ZNF331: variants seen among roughly 807,000 people sequenced by gnomAD.
ZNF331 encodes the protein zinc finger protein 331.
ZNF331 carries 2 observed loss-of-function variants against 7.0 expected under a neutral mutation model. The observed-to-expected ratio is 0.29, with a 90% CI of 0.12 to 0.90. The LOEUF is 0.90. ZNF331 is among the 40% of genes least tolerant of loss of function. The pLI is 0.58. For synonymous variants in ZNF331, 196 were observed against 205.4 expected, an observed-to-expected ratio of 0.95 and a Z score of 0.39; for missense variants, 432 against 587.7, an observed-to-expected ratio of 0.74 and a Z score of 2.74.
At chr19:53,568,680 C>T (rs563512126) in intron 3 of ZNF331, among the ~76,000 whole-genome samples, 3 of 151,920 alleles carry the variant, frequency 2.0e-5, no homozygotes, top group African/African-American at 4.8e-5. Flanking sequence ...CTACATCCCA[C>T]CCATCCGTCC....
At chr19:53,575,185 C>T (rs2090649327) in intron 5 of ZNF331, among the ~76,000 whole-genome samples, 2 of 151,924 alleles carry the variant, frequency 1.3e-5, no homozygotes, top group African/African-American at 2.4e-5. Context: ...GTAATCCACC[C>T]ACCTCGGTCT....
In ZNF331 at chr19:53,560,592, C is replaced by T. The variant is rs1373979192; in HGVS notation, c.-74+4684C>T. ...CAACACAAATGTATTATCTTACTGT[C>T]ATAGAGGTCAGAAGTCTGAAGTGGG... On this transcript the variant is annotated intron_variant, in intron 3 of 5. Transcript: ENST00000449416. The surrounding 1 kb of genome is among the most constrained non-coding windows in gnomAD (Gnocchi z 4.3). 6.6e-6 allele frequency among the ~76,000 whole-genome samples: 1 copy of T among 152,120 alleles called. No homozygotes were observed. Among genetic ancestry groups the T allele is most frequent in the Non-Finnish European group, 1.5e-5 (1 of 68,028 alleles).
rs2147299212 is a variant in ZNF331 at position 53,538,173 on chromosome 19, CGGCGGCCCTGTCCCCGTAACTGTGACACG to C, written c.-325_-297del. On this transcript the variant is annotated 5_prime_UTR_variant, in exon 1 of 6. Transcript: ENST00000449416. ...CTTGCGTGGGAGTACGAGGCTGACG[CGGCGGCCCTGTCCCCGTAACTGTGACACG>C]GGTGCACGCGAGCGTCATTGGGGGC... 6.6e-6 allele frequency: 1 copy of C among 152,176 alleles called. No homozygotes were observed. The highest frequency in any genetic ancestry group is 1.9e-4 in the East Asian group (1 of 5,144). The allele number at this position is 152,176 out of a possible 1,614,324, so 9.4% of individuals were successfully genotyped here. A position where few individuals can be genotyped will look rare whatever the true frequency, so the allele number is the denominator to read the frequency against.
the ZNF331 span, among the ~76,000 whole-genome samples, chr19:53,509,231 T>C: frequency 6.6e-6 from 1 of 152,220 alleles, no homozygotes; most frequent in Non-Finnish European, 1.5e-5. Flanking sequence ...CTCCTTCCTC[T>C]GTGAGCTGCG....
At chr19:53,535,609 AAGAG>A (rs1324823271), upstream of ZNF331, among the ~76,000 whole-genome samples, 7 of 152,148 alleles carry the variant, frequency 4.6e-5, no homozygotes, top group South Asian at 1.0e-3. Context: ...ATGTGGAGAG[AAGAG>A]AGATACCAGT....
At chr19:53,564,372 C>T (rs1056800087) in intron 3 of ZNF331, among the ~76,000 whole-genome samples, 5 of 151,898 alleles carry the variant, frequency 3.3e-5, no homozygotes, top group African/African-American at 7.3e-5. Flanking sequence ...CTCTGCCTCC[C>T]GGGTCCCAGC....
chr19:53,554,522 G>A (rs563453835), intron 2 of ZNF331: 62 of 152,350 alleles, frequency 4.1e-4, no homozygotes, highest in African/African-American at 1.3e-3. Context: ...TCCATGGGTG[G>A]CGGGACCGAC....
intron 2 of ZNF331, among the ~76,000 whole-genome samples, chr19:53,528,214 C>T (rs2087382618): frequency 6.6e-6 from 1 of 152,154 alleles, no homozygotes; most frequent in Non-Finnish European, 1.5e-5. Flanking sequence ...TCTTACGTGT[C>T]TTAGAATCGT....
At chr19:53,520,089 C>T (rs892179689), upstream of ZNF331, among the ~76,000 whole-genome samples, 1 of 151,958 alleles carries the variant, frequency 6.6e-6, no homozygotes, top group Non-Finnish European at 1.5e-5. Context: ...CTCTTATCGC[C>T]CAGGCTGGAG....
intron 3 of ZNF331, chr19:53,563,851 G>C (rs59768163): frequency 0.26 from 39,632 of 151,370 alleles, 5,974 homozygotes; most frequent in South Asian, 0.4. Context: ...TGCCAGGTGC[G>C]GTGGCAAAAC....
chr19:53,569,177 T>C (rs1241009842), intron 3 of ZNF331, 127 bp from the exon 4 acceptor site: 1 of 573,554 alleles, frequency 1.7e-6, no homozygotes, highest in African/African-American at 1.9e-5. Context: ...ACTCTTCACC[T>C]TTCCCAGATA....
At chr19:53,537,089 T>A (rs1406831799), upstream of ZNF331, among the ~76,000 whole-genome samples, 1 of 152,196 alleles carries the variant, frequency 6.6e-6, no homozygotes, top group East Asian at 1.9e-4. Context: ...ATCTAAAGTC[T>A]ATCTAATTAA....
the ZNF331 span, among the ~76,000 whole-genome samples, chr19:53,511,007 G>A: frequency 6.6e-6 from 1 of 152,042 alleles, no homozygotes; most frequent in African/African-American, 2.4e-5. Context: ...GCCATGTCAT[G>A]GGTTCAAACT....
At chr19:53,545,276 T>C (rs1006207470) in intron 2 of ZNF331, among the ~76,000 whole-genome samples, 1 of 152,176 alleles carries the variant, frequency 6.6e-6, no homozygotes, top group Non-Finnish European at 1.5e-5. Context: ...TGAGTCAAAA[T>C]TAGATGTTTG....
rs1316672016 is a variant in ZNF331, at chr19:53,579,261, T to C, written c.*1309T>C. The C allele has an allele frequency of 4.6e-6, 1 of 216,014 alleles. No individual in the cohort carries two copies. The highest frequency in any genetic ancestry group is 9.3e-6 in the Non-Finnish European group (1 of 107,158). 13.4% of individuals were successfully genotyped at this position (216,014 alleles called of 1,614,324 possible). ...TAAAGACTACCAGTACCATTCTGTC[T>C]TTACTCCGTGGCATCTGTGGAATAA... On this transcript the variant is annotated 3_prime_UTR_variant, in exon 6 of 6. Transcript: ENST00000449416.
intron 3 of ZNF331, among the ~76,000 whole-genome samples, chr19:53,559,811 C>T (rs2089735283): frequency 6.6e-6 from 1 of 151,094 alleles, no homozygotes; most frequent in Admixed American, 6.6e-5. Flanking sequence ...TACATATATA[C>T]ACACCATAAC....
chr19:53,518,822 A>G (rs1261350904), upstream of ZNF331, among the ~76,000 whole-genome samples: 1 of 152,254 alleles, frequency 6.6e-6, no homozygotes, highest in Non-Finnish European at 1.5e-5. Flanking sequence ...AGGCTTCAGC[A>G]GCAGATGCCA....
upstream of ZNF331, among the ~76,000 whole-genome samples, chr19:53,517,043 G>A (rs963356827): frequency 1.3e-5 from 2 of 152,128 alleles, no homozygotes; most frequent in Non-Finnish European, 2.9e-5. Context: ...CACTCACAGA[G>A]ATCTAATTCC....
upstream of ZNF331, among the ~76,000 whole-genome samples, chr19:53,517,322 G>T (rs543882548): frequency 6.6e-6 from 1 of 152,024 alleles, no homozygotes; most frequent in South Asian, 2.1e-4. Flanking sequence ...GGGACAAGAT[G>T]TTTTGCTTAG....
Sources: gnomAD v4.1 joint callset for allele counts (sites outside exome capture counted in the v4.1 genomes callset) on GRCh38, gnomAD v4.1.1 for gene constraint, Gnocchi (gnomAD v3.1) non-coding constraint, MANE v1.5 for transcripts, NCBI Gene and HGNC (gene_info 2026-07-23, HGNC 2026-07-21) for gene names.